DAB1: variants seen among roughly 807,000 people sequenced by gnomAD.
DAB1 encodes the protein disabled homolog 1.
In DAB1, 15 loss-of-function variants were observed where a neutral mutation model predicts 64.6. The ratio of observed to expected loss-of-function variants is 0.23; its 90% CI spans 0.16 to 0.36. DAB1 has a LOEUF of 0.36. Among genes scored for constraint, DAB1 ranks in the 10% least tolerant of loss-of-function variants. DAB1 has a pLI of 1.00. For synonymous variants in DAB1, 235 were observed against 251.9 expected (o/e 0.93, Z 0.64); for missense variants, 596 against 706.7 (o/e 0.84, Z 1.78).
At chr1:58,042,853 G>A (rs1240119577) in intron 5 of DAB1, among the ~76,000 whole-genome samples, 1 of 152,154 alleles carries the variant, frequency 6.6e-6, no homozygotes, top group African/African-American at 2.4e-5. Flanking sequence ...TGAGGCGGAG[G>A]GGAGGCATTA....
intron 5 of DAB1, among the ~76,000 whole-genome samples, chr1:58,076,957 T>C (rs141774067): frequency 4.6e-5 from 7 of 152,276 alleles, no homozygotes; most frequent in African/African-American, 1.4e-4. Flanking sequence ...CTGACTTTTC[T>C]AGACCATTTT....
At chr1:57,763,889 C>T (rs1401606607) in intron 6 of DAB1, among the ~76,000 whole-genome samples, 1 of 152,008 alleles carries the variant, frequency 6.6e-6, no homozygotes, top group Non-Finnish European at 1.5e-5. Flanking sequence ...TGAAGAGAAC[C>T]TCTCTGGCCA....
chr1:57,022,501 C>T (rs1230494353), intron 11 of DAB1, among the ~76,000 whole-genome samples: 2 of 152,200 alleles, frequency 1.3e-5, no homozygotes, highest in Non-Finnish European at 2.9e-5. Flanking sequence ...ACCTCTATTG[C>T]TTCTAAAAGT....
intron 2 of DAB1, among the ~76,000 whole-genome samples, chr1:57,223,076 G>T (rs1667000906): frequency 6.6e-6 from 1 of 151,994 alleles, no homozygotes; most frequent in South Asian, 2.1e-4. Flanking sequence ...TGCTCCTGCA[G>T]AAGATCTCCA....
chr1:58,253,685 G>T (rs1660857046), intron 4 of DAB1, among the ~76,000 whole-genome samples: 1 of 152,182 alleles, frequency 6.6e-6, no homozygotes, highest in Non-Finnish European at 1.5e-5. Context: ...GTAAAACTGA[G>T]AACCAGAGAG....
chr1:57,889,617 GC>G (rs1327640460), intron 5 of DAB1, among the ~76,000 whole-genome samples: 1 of 152,214 alleles, frequency 6.6e-6, no homozygotes, highest in Non-Finnish European at 1.5e-5. Context: ...CCAGCCTTCT[GC>G]CCCGTATGAT....
intron 5 of DAB1, among the ~76,000 whole-genome samples, chr1:57,926,132 C>T (rs963338482): frequency 1.8e-4 from 28 of 152,310 alleles, no homozygotes; most frequent in African/African-American, 6.5e-4. Context: ...TGATTGACGG[C>T]CTGGGTGCCA....
chr1:57,109,294 T>C (rs1212484636), intron 4 of DAB1, among the ~76,000 whole-genome samples: 3 of 152,228 alleles, frequency 2.0e-5, no homozygotes. Context: ...GGTTCTAGCA[T>C]GCTTGTGTCT....
At chr1:58,462,051 A>G (rs930388184) in intron 3 of DAB1, among the ~76,000 whole-genome samples, 2 of 151,194 alleles carry the variant, frequency 1.3e-5, no homozygotes, top group African/African-American at 2.4e-5. Context: ...TTACTTACCC[A>G]AGGACTCAGG....
chr1:57,485,782 AGTACATCCTCTTGGCTGT>A (rs1644083214), intron 7 of DAB1, among the ~76,000 whole-genome samples: 1 of 152,092 alleles, frequency 6.6e-6, no homozygotes, highest in South Asian at 2.1e-4. Context: ...GCATGCACTC[AGTACATCCTCTTGGCTGT>A]CATAATCACT....
intron 3 of DAB1, among the ~76,000 whole-genome samples, chr1:58,371,829 G>A (rs565068530): frequency 6.6e-6 from 1 of 152,328 alleles, no homozygotes; most frequent in South Asian, 2.1e-4. Context: ...AGCACTGCCA[G>A]CTTCCACATG....
rs372984224 is a variant in DAB1 at position 57,431,950 on chromosome 1, C to T, written n.626-140784G>A. Among the ~76,000 whole-genome samples, 78 of 152,074 alleles carry T rather than the reference C, an allele frequency of 5.1e-4. 1 individual carries two copies. The East Asian group carries it at 0.015, about 28-fold the overall frequency. ...CAGCCTGACCAATATGGTGAAACCC[C>T]GTCTCTACTAAAAATACAAAAATTA... On this transcript the variant is annotated intron_variant and non_coding_transcript_variant, in intron 7 of 20. Transcript: ENST00000485760.
At chr1:58,207,999 C>T (rs1406736005) in intron 4 of DAB1, among the ~76,000 whole-genome samples, 6 of 152,140 alleles carry the variant, frequency 3.9e-5, no homozygotes, top group African/African-American at 1.4e-4. Context: ...GTGAACATGT[C>T]CTCCTTCACA....
At chr1:58,535,802 A>G (rs1557458061) in intron 1 of DAB1, among the ~76,000 whole-genome samples, 1 of 152,136 alleles carries the variant, frequency 6.6e-6, no homozygotes, top group Non-Finnish European at 1.5e-5. Context: ...CCAAAGAGGT[A>G]AGACTTCTAA....
intron 5 of DAB1, among the ~76,000 whole-genome samples, chr1:58,088,120 C>T (rs1186094091): frequency 6.6e-6 from 1 of 152,188 alleles, no homozygotes; most frequent in Non-Finnish European, 1.5e-5. Flanking sequence ...TGGGTTCTGC[C>T]CACACTTAAA....
Position 58,505,080 on chromosome 1 carries a change from G to A in DAB1, n.257+980C>T, listed in dbSNP as rs550302824. The stretch of plus-strand genomic sequence containing the variant: ...CGATTCCCCTGCCTCAATCTCCCGA[G>A]TAGCTGGGATTACAGGCGCATGCCA... On this transcript the variant is annotated intron_variant and non_coding_transcript_variant, in intron 3 of 20. Transcript: ENST00000485760. 6.6e-5 allele frequency among the ~76,000 whole-genome samples: 10 copies of A among 152,166 alleles called. No homozygotes were observed. In the East Asian group the frequency reaches 9.7e-4, roughly 15 times the overall value.
At chr1:58,440,396 GT>G (rs1257083869) in intron 3 of DAB1, among the ~76,000 whole-genome samples, 1 of 152,196 alleles carries the variant, frequency 6.6e-6, no homozygotes, top group Non-Finnish European at 1.5e-5. Flanking sequence ...AGCAAATGCT[GT>G]GGCTGAGGTC....
chr1:57,927,695 C>T (rs1008186064), intron 5 of DAB1, among the ~76,000 whole-genome samples: 13 of 152,088 alleles, frequency 8.5e-5, no homozygotes, highest in African/African-American at 2.2e-4. Flanking sequence ...AAACTTAAGA[C>T]CTAATAACAA....
chr1:57,826,949 A>G (rs706411), intron 1 of DAB1, among the ~76,000 whole-genome samples: 91,643 of 152,108 alleles, frequency 0.6, 27,869 homozygotes, highest in African/African-American at 0.68. Context: ...ATTCTACAAA[A>G]GAAAAAGAGA....
Sources: allele counts gnomAD v4.1 joint callset (sites outside exome capture counted in the v4.1 genomes callset), GRCh38; gene constraint gnomAD v4.1.1; transcripts MANE v1.5; gene names NCBI Gene and HGNC (gene_info 2026-07-23, HGNC 2026-07-21).